Variants in CHP1 observed in about 807,000 individuals in gnomAD.
CHP1 encodes calcineurin B homologous protein 1.
CHP1 carries 11 observed loss-of-function variants against 27.4 expected under a neutral mutation model. The observed-to-expected ratio is 0.40, with a 90% CI of 0.25 to 0.67. CHP1 has a LOEUF of 0.67. Among genes scored for constraint, CHP1 ranks in the 30% least tolerant of loss-of-function variants. The pLI is 0.38. For synonymous variants in CHP1, 89 were observed against 87.4 expected (o/e 1.02, Z -0.10); for missense variants, 169 against 251.3 (o/e 0.67, Z 2.22).
chr15:41,278,672 G>A, intron 5 of CHP1, 95 bp from the exon 6 acceptor site: 1 of 1,499,994 alleles, frequency 6.7e-7, no homozygotes, highest in Non-Finnish European at 9.1e-7. Context: ...GGGCATCAAA[G>A]GAAAAGGAGG....
intron 5 of CHP1, among the ~76,000 whole-genome samples, chr15:41,278,332 CAAAA>C (rs61453137): frequency 1.3e-5 from 1 of 78,548 alleles, no homozygotes; most frequent in Non-Finnish European, 2.5e-5. Flanking sequence ...GACTCCGTCT[CAAAA>C]AAAAAAAAAA....
intron 2 of CHP1, among the ~76,000 whole-genome samples, chr15:41,245,383 A>AG (rs2047329317): frequency 6.6e-6 from 1 of 152,216 alleles, no homozygotes; most frequent in Admixed American, 6.5e-5. Context: ...CAGGAGGCTG[A>AG]GGCAGGAGAA....
intron 1 of CHP1, among the ~76,000 whole-genome samples, chr15:41,238,525 G>GA (rs1316832417): frequency 2.0e-5 from 3 of 151,906 alleles, no homozygotes; most frequent in African/African-American, 4.8e-5. Flanking sequence ...TACCAGTGGA[G>GA]AAAAAATACA....
intron 6 of CHP1, 64 bp from the exon 7 acceptor site, chr15:41,279,272 A>G (rs980532109): frequency 3.8e-6 from 5 of 1,318,892 alleles, no homozygotes; most frequent in South Asian, 2.4e-5. Context: ...CATTACTCAG[A>G]TAAGAGCTTG....
intron 2 of CHP1, among the ~76,000 whole-genome samples, chr15:41,250,903 C>A (rs560379818): frequency 6.6e-6 from 1 of 151,632 alleles, no homozygotes; most frequent in Non-Finnish European, 1.5e-5. Flanking sequence ...AATCTCGGCT[C>A]ACTGCAGCCA....
chr15:41,246,032 A>G (rs1394039522), intron 2 of CHP1, among the ~76,000 whole-genome samples: 1 of 152,146 alleles, frequency 6.6e-6, no homozygotes, highest in Non-Finnish European at 1.5e-5. Flanking sequence ...GTGGATATCC[A>G]GTTGTACCAG....
In CHP1 at chr15:41,279,101, C is replaced by G. The variant is rs191036889; in HGVS notation, c.534+212C>G. ...TGGCGCGTGCCTGTAATCCCAGCTA[C>G]TTGGGAGGCTGAGGCAGGAGAATCG... On this transcript the variant is annotated intron_variant, in intron 6 of 6. Coordinates refer to ENST00000334660, the MANE Select transcript of CHP1 (RefSeq NM_007236.5). 5.8e-3 allele frequency among the ~76,000 whole-genome samples: 882 copies of G among 151,850 alleles called. 11 individuals are homozygous for G. The highest frequency in any genetic ancestry group is 0.037 in the Middle Eastern group (11 of 294).
chr15:41,270,131 G>A (rs1178351202), intron 4 of CHP1, among the ~76,000 whole-genome samples: 2 of 152,132 alleles, frequency 1.3e-5, no homozygotes, highest in Non-Finnish European at 2.9e-5. Flanking sequence ...TGCCCAGGAG[G>A]CTCTATTCCC....
chr15:41,271,747 A>AC (rs2047490763), intron 5 of CHP1, among the ~76,000 whole-genome samples: 2 of 152,188 alleles, frequency 1.3e-5, no homozygotes. Flanking sequence ...TTCAGGAGCA[A>AC]CCCAACGTAT....
At chr15:41,278,983 T>C (rs2047532939) in intron 6 of CHP1, 94 bp downstream of exon 6, 56 of 1,499,820 alleles carry the variant, frequency 3.7e-5, no homozygotes, top group Non-Finnish European at 4.9e-5. Context: ...GAGGCCAAGG[T>C]GGGCGGATCA....
chr15:41,269,560 G>A (rs909396558), intron 4 of CHP1, among the ~76,000 whole-genome samples: 3 of 151,976 alleles, frequency 2.0e-5, no homozygotes, highest in East Asian at 1.9e-4. Flanking sequence ...AGAAAGCCAC[G>A]TCTGCCATAC....
intron 4 of CHP1, 123 bp from the exon 5 acceptor site, chr15:41,270,434 A>G (rs1393739913): frequency 9.8e-6 from 7 of 712,072 alleles, no homozygotes; most frequent in East Asian, 2.6e-5. Context: ...AGTAATGGCA[A>G]TTGTTCTTGG....
At chr15:41,247,891 C>G (rs1216583146) in intron 2 of CHP1, among the ~76,000 whole-genome samples, 1 of 151,848 alleles carries the variant, frequency 6.6e-6, no homozygotes, top group Admixed American at 6.6e-5. Context: ...ATGGTGTGAA[C>G]CCGGGAGGCG....
chr15:41,265,659 C>T (rs541926014), intron 4 of CHP1, among the ~76,000 whole-genome samples: 7 of 149,600 alleles, frequency 4.7e-5, no homozygotes, highest in South Asian at 4.2e-4. Context: ...TGCAGTTAGC[C>T]GAGATTGCAC....
chr15:41,269,738 C>T (rs1185744824), intron 4 of CHP1, among the ~76,000 whole-genome samples: 1 of 152,044 alleles, frequency 6.6e-6, no homozygotes. Flanking sequence ...ATTTGCAGCA[C>T]TCTATTTAAG....
At chr15:41,242,956 A>G (rs1174005671) in intron 1 of CHP1, among the ~76,000 whole-genome samples, 1 of 143,946 alleles carries the variant, frequency 6.9e-6, no homozygotes, top group African/African-American at 2.5e-5. Context: ...AAAAAAAGAA[A>G]AAAGTAAAAA....
Position 41,231,410 on chromosome 15 carries a change from C to T in CHP1, c.28C>T (p.Arg10Trp), listed in dbSNP as rs867542118. Residue 10 changes from arginine (R) to tryptophan (W), a missense_variant, in exon 1 of 7, where the codon CGG (arginine) becomes TGG (tryptophan). Physicochemically the swap from Arg to Trp is moderately radical, Grantham distance 101. Coordinates refer to ENST00000334660, the MANE Select transcript of CHP1 (RefSeq NM_007236.5). ...GGGTTCTCGGGCCTCCACGTTACTG[C>T]GGGACGAAGAGCTCGAGGAGATCAA... MGSRASTLLRDEELEEIKKE... is the reference protein window; with the variant it reads MGSRASTLLWDEELEEIKKE... 3 of 1,604,424 alleles carry T rather than the reference C, an allele frequency of 1.9e-6. No individual in the cohort carries two copies. The highest frequency in any genetic ancestry group is 1.7e-5 in the Admixed American group (1 of 57,718).
At position 41,246,297 on chromosome 15, in the gene CHP1, C is replaced by T. The variant is rs182275868; in HGVS notation, c.140+2558C>T. On this transcript the variant is annotated intron_variant, in intron 2 of 6. Coordinates refer to ENST00000334660, the MANE Select transcript of CHP1 (RefSeq NM_007236.5). ...TGTTTGCTGTGTGCTGGAAAATAATCGAAAAGTTTTTTTTTTAATGAGCTG... is the reference window on the plus strand; with the variant it reads ...TGTTTGCTGTGTGCTGGAAAATAATTGAAAAGTTTTTTTTTTAATGAGCTG... 1.4e-3 allele frequency among the ~76,000 whole-genome samples: 218 copies of T among 150,862 alleles called. 1 individual carries two copies. The highest frequency in any genetic ancestry group is 2.1e-3 in the Admixed American group (32 of 15,048).
chr15:41,253,511 G>GCC (rs1269026338), intron 2 of CHP1, among the ~76,000 whole-genome samples: 4 of 151,248 alleles, frequency 2.6e-5, no homozygotes, highest in African/African-American at 4.9e-5. Flanking sequence ...CTGGAGTGCA[G>GCC]TGGCGCAATC....
Sources: gnomAD v4.1 joint callset for allele counts (sites outside exome capture counted in the v4.1 genomes callset) on GRCh38, gnomAD v4.1.1 for gene constraint, MANE v1.5 for transcripts, NCBI Gene and HGNC (gene_info 2026-07-23, HGNC 2026-07-21) for gene names.